DAB2: variants seen among roughly 807,000 people sequenced by gnomAD.
DAB2 encodes disabled homolog 2.
Under a neutral mutation model 71.6 loss-of-function variants are expected in DAB2, and 28 were observed. The ratio of observed to expected loss-of-function variants is 0.39; its 90% CI spans 0.29 to 0.54. DAB2 has a LOEUF of 0.54. Ranked by LOEUF, DAB2 falls within the 20% of genes least tolerant of loss-of-function variation. The probability of loss-of-function intolerance (pLI) is 0.68; values close to 1 mark genes in which losing one functional copy is unlikely to be tolerated. For synonymous variants in DAB2, 345 were observed against 339.7 expected (o/e 1.02, Z -0.17); for missense variants, 867 against 928.8 (o/e 0.93, Z 0.86).
rs975569547 is a variant in DAB2 at position 39,393,689 on chromosome 5, T to G, written c.92-296A>C. Reference sequence around the variant, plus strand: ...GAGTTGGGGACATTTTTCATCATAGTTTTTTTTAAGTCTTTAAAGGAATAT... The same window carrying G: ...GAGTTGGGGACATTTTTCATCATAGGTTTTTTTAAGTCTTTAAAGGAATAT... On this transcript the variant is annotated intron_variant, in intron 2 of 14. Coordinates refer to ENST00000320816, the MANE Select transcript of DAB2 (RefSeq NM_001343.4). 7.6e-5 allele frequency among the ~76,000 whole-genome samples: 7 copies of G among 92,292 alleles called. No individual in the cohort carries two copies. In the Admixed American group the frequency reaches 8.9e-4, roughly 12 times the overall value. 60.5% of individuals were successfully genotyped at this position (92,292 alleles called of 152,430 possible).
At chr5:39,399,338 C>T (rs1414514854) in intron 1 of DAB2, among the ~76,000 whole-genome samples, 1 of 152,168 alleles carries the variant, frequency 6.6e-6, no homozygotes, top group Admixed American at 6.5e-5. Context: ...AGCACAGTTC[C>T]CCATCTAAAA....
intron 1 of DAB2, among the ~76,000 whole-genome samples, chr5:39,420,669 G>C (rs1755959506): frequency 6.6e-6 from 1 of 152,174 alleles, no homozygotes; most frequent in Admixed American, 6.5e-5. Context: ...TTCATGTTTT[G>C]CTATCTAGAT....
rs890311340 is a variant in DAB2, at chr5:39,372,890, A to C, written c.*541T>G. 1.3e-5 allele frequency: 2 copies of C among 152,162 alleles called. No individual in the cohort carries two copies. Among genetic ancestry groups the C allele is most frequent in the Non-Finnish European group, 2.9e-5 (2 of 68,028 alleles). 9.4% of individuals were successfully genotyped at this position (152,162 alleles called of 1,614,324 possible). A position where few individuals can be genotyped will look rare whatever the true frequency, so the allele number is the denominator to read the frequency against. On this transcript the variant is annotated 3_prime_UTR_variant, in exon 15 of 15. Transcript: ENST00000320816. ...AAGTGGTTAGATTCCAAAGTGTCTA[A>C]GGAGAAGTTGTAGTTGCTTCAATTT...
chr5:39,421,905 A>C (rs75531316), intron 1 of DAB2, among the ~76,000 whole-genome samples: 8 of 139,308 alleles, frequency 5.7e-5, no homozygotes, highest in Non-Finnish European at 1.1e-4. Context: ...ACTACTACAA[A>C]AAAAAAAAAA....
intron 11 of DAB2, among the ~76,000 whole-genome samples, chr5:39,379,905 G>A (rs1754939486): frequency 6.6e-6 from 1 of 152,178 alleles, no homozygotes; most frequent in African/African-American, 2.4e-5. Context: ...TATACCCCAA[G>A]CCCTCAACAG....
intron 9 of DAB2, among the ~76,000 whole-genome samples, chr5:39,383,820 G>A (rs1002983947): frequency 1.3e-5 from 2 of 152,162 alleles, no homozygotes; most frequent in African/African-American, 4.8e-5. Flanking sequence ...TTCTGGCTGT[G>A]ATGAAATTTA....
intron 1 of DAB2, chr5:39,417,438 G>C (rs1331373917): frequency 2.0e-5 from 3 of 151,998 alleles, no homozygotes; most frequent in African/African-American, 7.2e-5. Flanking sequence ...AGTTCTTTAG[G>C]CATATCCTAA....
Position 39,383,207 on chromosome 5 carries a change from C to T in DAB2, c.752G>A (p.Arg251Lys), listed in dbSNP as rs775910501. 1 of 1,613,850 alleles carries T rather than the reference C, an allele frequency of 6.2e-7. No individual in the cohort carries two copies. Among genetic ancestry groups the T allele is most frequent in the Non-Finnish European group, 8.5e-7 (1 of 1,179,908 alleles). Residue 251 changes from arginine to lysine, a missense_variant, in exon 10 of 15, where the codon AGA becomes AAA. This residue lies in a region of DAB2 where 740 missense variants were observed against 734.3 expected (regional missense o/e 1.01). Transcript: ENST00000320816. ...SEIDTNQNSLRENPFLTNGIT... is the reference protein window; with the variant it reads ...SEIDTNQNSLKENPFLTNGIT... ...GCCGTTTGTTAAGAATGGATTTTCT[C>T]TTAAAGAATTCTGATTGGTGTCGAT...
intron 9 of DAB2, chr5:39,385,067 A>G (rs1755068362): frequency 6.6e-6 from 1 of 152,152 alleles, no homozygotes; most frequent in Non-Finnish European, 1.5e-5. Flanking sequence ...CCTAAATGGT[A>G]ATCTATCTTT....
At chr5:39,375,871 G>A in intron 13 of DAB2, 126 bp downstream of exon 13, 1 of 751,936 alleles carries the variant, frequency 1.3e-6, no homozygotes. Context: ...GGCCGACAGA[G>A]CAAGACTCTG....
chr5:39,409,143 A>C (rs1358399402), intron 1 of DAB2, among the ~76,000 whole-genome samples: 1 of 152,060 alleles, frequency 6.6e-6, no homozygotes, highest in Non-Finnish European at 1.5e-5. Flanking sequence ...AAAAAAAAAA[A>C]ACTCTAAAAA....
At chr5:39,403,864 C>G (rs1417623362) in intron 1 of DAB2, among the ~76,000 whole-genome samples, 1 of 151,826 alleles carries the variant, frequency 6.6e-6, no homozygotes, top group Non-Finnish European at 1.5e-5. Context: ...AAGAATGTCT[C>G]TTATTGGAGC....
chr5:39,410,277 T>C (rs1394331887), intron 1 of DAB2, among the ~76,000 whole-genome samples: 2 of 152,204 alleles, frequency 1.3e-5, no homozygotes, highest in Non-Finnish European at 2.9e-5. Context: ...GTATTAACCA[T>C]TTTGGTATTA....
intron 1 of DAB2, among the ~76,000 whole-genome samples, chr5:39,401,090 C>T (rs1398704669): frequency 6.6e-6 from 1 of 152,200 alleles, no homozygotes; most frequent in African/African-American, 2.4e-5. Flanking sequence ...CCTTTAACTG[C>T]TTTTTTGGAT....
At chr5:39,407,842 T>C (rs998290114) in intron 1 of DAB2, among the ~76,000 whole-genome samples, 3 of 152,216 alleles carry the variant, frequency 2.0e-5, no homozygotes, top group African/African-American at 7.2e-5. Context: ...GCTATAAACA[T>C]TAAGCTATAA....
Position 39,372,037 on chromosome 5 carries a change from C to G in DAB2, c.*1394G>C, listed in dbSNP as rs1342968471. ...TCTGAGCATCACCCTCTTCTTCCCC[C>G]TCAAGGTAACATTGGATGTGGCTGA... On this transcript the variant is annotated 3_prime_UTR_variant, in exon 15 of 15. Transcript: ENST00000320816. 1 of 152,304 alleles carries G rather than the reference C, an allele frequency of 6.6e-6. No individual in the cohort carries two copies. Among genetic ancestry groups the G allele is most frequent in the African/African-American group, 2.4e-5 (1 of 41,566 alleles). 9.4% of individuals were successfully genotyped at this position (152,304 alleles called of 1,614,324 possible).
At chr5:39,398,219 G>T (rs895894556) in intron 1 of DAB2, among the ~76,000 whole-genome samples, 14 of 151,626 alleles carry the variant, frequency 9.2e-5, no homozygotes, top group Non-Finnish European at 1.9e-4. Flanking sequence ...GAGGGGTTTT[G>T]GGGGAGGGAA....
intron 1 of DAB2, among the ~76,000 whole-genome samples, chr5:39,398,602 T>A (rs1755431532): frequency 6.6e-6 from 1 of 152,282 alleles, no homozygotes; most frequent in African/African-American, 2.4e-5. Flanking sequence ...GGCCATACAA[T>A]TGAAAATATA....
At chr5:39,402,102 T>C (rs1446965823) in intron 1 of DAB2, among the ~76,000 whole-genome samples, 2 of 152,080 alleles carry the variant, frequency 1.3e-5, no homozygotes, top group Non-Finnish European at 2.9e-5. Flanking sequence ...TCAGACCTCA[T>C]GAGACTTATT....
Sources: gnomAD v4.1 joint callset for allele counts (sites outside exome capture counted in the v4.1 genomes callset) on GRCh38, gnomAD v4.1.1 for gene constraint, gnomAD v4.1.1 regional missense constraint, MANE v1.5 for transcripts, NCBI Gene and HGNC (gene_info 2026-07-23, HGNC 2026-07-21) for gene names.